LPP: variants seen among roughly 807,000 people sequenced by gnomAD.
LPP encodes the protein lipoma-preferred partner.
A neutral mutation model predicts 60.4 loss-of-function variants in LPP; 38 were observed. The observed-to-expected ratio is 0.63, with a 90% CI of 0.49 to 0.83. The LOEUF (loss-of-function observed/expected upper bound fraction) is 0.83, where lower values mean the gene tolerates loss of function less well. LPP is among the 40% of genes least tolerant of loss of function. The pLI, the probability that LPP is intolerant of heterozygous loss-of-function variation, is 0.00. For synonymous variants in LPP, 328 were observed against 290.8 expected, an observed-to-expected ratio of 1.13 and a Z score of -1.30; for missense variants, 902 against 783.6, an observed-to-expected ratio of 1.15 and a Z score of -1.80.
Position 188,735,990 on chromosome 3 carries a change from C to G in LPP, c.1241-24123C>G, listed in dbSNP as rs568589739. Among the ~76,000 whole-genome samples, 8 of 152,202 alleles carry G rather than the reference C, an allele frequency of 5.3e-5. No homozygotes were observed. In the East Asian group the frequency reaches 1.5e-3, roughly 29 times the overall value. On this transcript the variant is annotated intron_variant, in intron 8 of 11. Transcript: ENST00000617246. ...AGACAGGACTAGCCACAAACTTCTC[C>G]TAGAAGTTTAAACTATTTTAAAAAT...
chr3:188,861,894 C>T (rs1190239442), intron 9 of LPP, among the ~76,000 whole-genome samples: 1 of 151,032 alleles, frequency 6.6e-6, no homozygotes, highest in Admixed American at 6.6e-5. Context: ...TACTCTACGT[C>T]CTTTCATTTT....
At chr3:188,201,845 T>C (rs895930058) in intron 1 of LPP, among the ~76,000 whole-genome samples, 2 of 152,058 alleles carry the variant, frequency 1.3e-5, no homozygotes, top group Non-Finnish European at 2.9e-5. Flanking sequence ...GATAAAAAAC[T>C]GTCTTTCTCC....
At chr3:188,272,515 A>G (rs1384196237) in intron 2 of LPP, among the ~76,000 whole-genome samples, 1 of 152,106 alleles carries the variant, frequency 6.6e-6, no homozygotes, top group Non-Finnish European at 1.5e-5. Context: ...TCCATGTGTG[A>G]CATTCATCTT....
At chr3:188,653,240 A>G (rs890745643) in intron 7 of LPP, among the ~76,000 whole-genome samples, 2 of 152,216 alleles carry the variant, frequency 1.3e-5, no homozygotes, top group Admixed American at 6.5e-5. Context: ...AGCATCATCT[A>G]CTGAAAGGGG....
At chr3:188,866,521 C>T in intron 10 of LPP, 143 bp downstream of exon 10, 1 of 609,088 alleles carries the variant, frequency 1.6e-6, no homozygotes, top group East Asian at 3.4e-5. Flanking sequence ...CTTATTGATC[C>T]CCTCCTCCAA....
intron 9 of LPP, among the ~76,000 whole-genome samples, chr3:188,815,016 C>T (rs779299693): frequency 3.9e-5 from 6 of 152,156 alleles, no homozygotes; most frequent in South Asian, 2.1e-4. Context: ...TGAGAAAACA[C>T]GTCACACAGT....
chr3:188,426,101 TC>T (rs1789263739), intron 4 of LPP, among the ~76,000 whole-genome samples: 1 of 150,478 alleles, frequency 6.6e-6, no homozygotes, highest in Non-Finnish European at 1.5e-5. Context: ...TGCTATAAAT[TC>T]CCCTCTAAAC....
intron 2 of LPP, among the ~76,000 whole-genome samples, chr3:188,261,788 T>C (rs1733745641): frequency 6.6e-6 from 1 of 151,740 alleles, no homozygotes; most frequent in South Asian, 2.1e-4. Flanking sequence ...GTGGCACATA[T>C]CTGTAGTCCT....
intron 9 of LPP, 133 bp downstream of exon 9, chr3:188,760,415 T>TGTGTGTG: frequency 1.5e-6 from 1 of 678,010 alleles, no homozygotes; most frequent in Non-Finnish European, 2.5e-6. Context: ...GTGGGGTGTG[T>TGTGTGTG]GTGTGTGTGT....
chr3:188,661,633 T>A (rs957049064), intron 7 of LPP, among the ~76,000 whole-genome samples: 2 of 152,224 alleles, frequency 1.3e-5, no homozygotes, highest in African/African-American at 4.8e-5. Flanking sequence ...TTAATGGTTG[T>A]TTTTCTTACT....
chr3:188,880,407 GGTT>G lies in LPP; in HGVS notation c.*5932_*5934del, dbSNP rs1769824088. On this transcript the variant is annotated 3_prime_UTR_variant, in exon 12 of 12. Coordinates refer to ENST00000617246, the MANE Select transcript of LPP (RefSeq NM_001375462.1). The stretch of plus-strand genomic sequence containing the variant: ...GTGCTAATTTTTGCTGTTAAATTCT[GGTT>G]GTTATTTAATTGACAGAAGTCTCTT... The G allele has an allele frequency of 1.6e-5, 3 of 188,672 alleles. No homozygotes were observed. The Admixed American group carries it at 1.9e-4, about 12-fold the overall frequency. The allele number at this position is 188,672 out of a possible 1,614,324, so 11.7% of individuals were successfully genotyped here. A position where few individuals can be genotyped will look rare whatever the true frequency, so the allele number is the denominator to read the frequency against.
rs956438640 is a variant in LPP at position 188,824,086 on chromosome 3, C to T, written c.1411-42114C>T. 7.2e-5 allele frequency among the ~76,000 whole-genome samples: 11 copies of T among 152,092 alleles called. 2 individuals are homozygous for T. The Middle Eastern group carries it at 0.017, about 237-fold the overall frequency. Reference sequence around the variant, plus strand: ...GTAGAAAGAGAGCCAGAAAAATAACCGAGAGAGTTATATTGTAATTCTGGC... The same window carrying T: ...GTAGAAAGAGAGCCAGAAAAATAACTGAGAGAGTTATATTGTAATTCTGGC... On this transcript the variant is annotated intron_variant, in intron 9 of 11. Coordinates refer to ENST00000617246, the MANE Select transcript of LPP (RefSeq NM_001375462.1).
chr3:188,236,153 A>G (rs1476906390), intron 2 of LPP, among the ~76,000 whole-genome samples: 1 of 152,228 alleles, frequency 6.6e-6, no homozygotes, highest in East Asian at 1.9e-4. Flanking sequence ...GTTGGTGCAA[A>G]AGTAATTGTG....
intron 4 of LPP, among the ~76,000 whole-genome samples, chr3:188,460,505 G>C (rs1798737117): frequency 6.6e-6 from 1 of 152,184 alleles, no homozygotes; most frequent in Non-Finnish European, 1.5e-5. Context: ...TGTTGGAACA[G>C]AATTCTCTTT....
intron 6 of LPP, among the ~76,000 whole-genome samples, chr3:188,607,404 TA>T (rs1560628775): frequency 0.022 from 2,099 of 93,806 alleles, 104 homozygotes; most frequent in Middle Eastern, 0.05. Flanking sequence ...TATATATATA[TA>T]TATATATATA....
At chr3:188,802,293 A>G (rs1042656804) in intron 9 of LPP, among the ~76,000 whole-genome samples, 5 of 152,192 alleles carry the variant, frequency 3.3e-5, no homozygotes, top group Admixed American at 3.3e-4. Flanking sequence ...AATGCAGGTT[A>G]TTTATACTGT....
At chr3:188,415,906 C>A (rs1220473132) in intron 4 of LPP, among the ~76,000 whole-genome samples, 1 of 152,088 alleles carries the variant, frequency 6.6e-6, no homozygotes, top group Non-Finnish European at 1.5e-5. Context: ...TTACATAGAA[C>A]TGTATGCACA....
chr3:188,220,434 A>T (rs772868426), intron 1 of LPP, among the ~76,000 whole-genome samples: 1 of 152,210 alleles, frequency 6.6e-6, no homozygotes, highest in Non-Finnish European at 1.5e-5. Flanking sequence ...AGGCCTTGAC[A>T]TATGGATACT....
chr3:188,609,196 G>C lies in LPP; in HGVS notation c.465G>C (p.Ser155=). ...GTTCAACAGCCTCTCCTCCAGTTTCGACCCCAGTCACAGGACACAAGAGAA... is the reference window on the plus strand; with the variant it reads ...GTTCAACAGCCTCTCCTCCAGTTTCCACCCCAGTCACAGGACACAAGAGAA... ...STGSTASPPV[S]TPVTGHKRMV... The change falls in exon 7 of 12, where the codon TCG becomes TCC. Residue 155 remains serine, a synonymous_variant. Transcript: ENST00000617246. This position sits in a 1 kb window ranked among gnomAD's most constrained non-coding sequence, Gnocchi z 6.9. 6.2e-7 allele frequency: 1 copy of C among 1,610,910 alleles called. No individual in the cohort carries two copies. The highest frequency in any genetic ancestry group is 1.1e-5 in the South Asian group (1 of 90,930).
Sources: gnomAD v4.1 joint callset for allele counts (sites outside exome capture counted in the v4.1 genomes callset) on GRCh38, gnomAD v4.1.1 for gene constraint, Gnocchi (gnomAD v3.1) non-coding constraint, MANE v1.5 for transcripts, NCBI Gene and HGNC (gene_info 2026-07-23, HGNC 2026-07-21) for gene names.